The following NCOA2 variants were observed in gnomAD, a reference collection of about 807,000 sequenced individuals.
NCOA2 encodes the protein nuclear receptor coactivator 2.
A neutral mutation model predicts 145.1 loss-of-function variants in NCOA2; 21 were observed. That is an observed-to-expected ratio of 0.14 (90% CI 0.10 to 0.21). The LOEUF (loss-of-function observed/expected upper bound fraction) is 0.21. NCOA2 is among the 10% of genes least tolerant of loss of function. The probability of loss-of-function intolerance (pLI) is 1.00; values close to 1 mark genes in which losing one functional copy is unlikely to be tolerated. For missense variants in NCOA2, 1,472 were observed against 1,837.6 expected, an observed-to-expected ratio of 0.80 and a Z score of 3.64; for synonymous variants, 619 against 637.5, an observed-to-expected ratio of 0.97 and a Z score of 0.44.
chr8:70,134,424 G>T (rs1809504607), intron 15 of NCOA2, among the ~76,000 whole-genome samples: 1 of 152,212 alleles, frequency 6.6e-6, no homozygotes, highest in Non-Finnish European at 1.5e-5. Context: ...AAAAATGCTA[G>T]TTAAGTTAGG....
chr8:70,248,662 C>T (rs140733478), intron 2 of NCOA2, among the ~76,000 whole-genome samples: 4 of 152,028 alleles, frequency 2.6e-5, no homozygotes, highest in African/African-American at 4.8e-5. Flanking sequence ...CTCATATACA[C>T]GAAATCATCT....
chr8:70,153,664 T>A (rs769779588), intron 11 of NCOA2, among the ~76,000 whole-genome samples: 1 of 152,232 alleles, frequency 6.6e-6, no homozygotes, highest in Non-Finnish European at 1.5e-5. Context: ...CCACTCTGGA[T>A]TACCACTAGC....
chr8:70,192,155 G>A (rs1037634882), intron 4 of NCOA2, among the ~76,000 whole-genome samples: 6 of 152,190 alleles, frequency 3.9e-5, no homozygotes, highest in Non-Finnish European at 1.5e-5. Context: ...GTATCTGTAC[G>A]TGGAATACCA....
intron 4 of NCOA2, among the ~76,000 whole-genome samples, chr8:70,189,647 G>A (rs1172481174): frequency 1.3e-5 from 2 of 152,106 alleles, no homozygotes; most frequent in Non-Finnish European, 2.9e-5. Flanking sequence ...AGTAGTTTAT[G>A]TTTTCTTTTT....
the NCOA2 span, among the ~76,000 whole-genome samples, chr8:70,422,536 A>AAGTAGCTAGGACTACAGGT: frequency 1.3e-5 from 2 of 151,902 alleles, no homozygotes; most frequent in South Asian, 4.2e-4. Flanking sequence ...TCAGCCTCCC[A>AAGTAGCTAGGACTACAGGT]AGTAGCTAGG....
chr8:70,336,478 A>C (rs1400347949), intron 1 of NCOA2, among the ~76,000 whole-genome samples: 1 of 152,174 alleles, frequency 6.6e-6, no homozygotes, highest in Non-Finnish European at 1.5e-5. Flanking sequence ...GAAGTATCTT[A>C]ATTTATAAAG....
intron 2 of NCOA2, among the ~76,000 whole-genome samples, chr8:70,242,892 C>T (rs1822264308): frequency 1.3e-5 from 2 of 152,048 alleles, no homozygotes; most frequent in Non-Finnish European, 2.9e-5. Flanking sequence ...CTCAGCCTGA[C>T]AAGATCAGAC....
intron 2 of NCOA2, among the ~76,000 whole-genome samples, chr8:70,274,603 G>A (rs1825327922): frequency 1.3e-5 from 2 of 152,030 alleles, no homozygotes; most frequent in South Asian, 4.1e-4. Flanking sequence ...CTCAACATTA[G>A]CTCTATCCAC....
intron 2 of NCOA2, among the ~76,000 whole-genome samples, chr8:70,230,634 T>C (rs1391709264): frequency 6.6e-6 from 1 of 152,240 alleles, no homozygotes; most frequent in East Asian, 1.9e-4. Flanking sequence ...TCATCCCAAA[T>C]GAGTTTTCCT....
At chr8:70,200,591 G>A (rs1361085322) in intron 4 of NCOA2, among the ~76,000 whole-genome samples, 2 of 152,154 alleles carry the variant, frequency 1.3e-5, no homozygotes, top group Non-Finnish European at 2.9e-5. Context: ...CTAGTCAGGT[G>A]ACACAATTGA....
At chr8:70,257,447 C>T (rs559758300) in intron 2 of NCOA2, among the ~76,000 whole-genome samples, 3 of 152,112 alleles carry the variant, frequency 2.0e-5, no homozygotes, top group Non-Finnish European at 4.4e-5. Context: ...ACCTAACAAT[C>T]TAGAGACAGA....
chr8:70,306,195 T>A (rs1291830036), intron 1 of NCOA2, among the ~76,000 whole-genome samples: 1 of 152,142 alleles, frequency 6.6e-6, no homozygotes, highest in Non-Finnish European at 1.5e-5. Flanking sequence ...AACTTAGAAA[T>A]CACGTTTCAA....
chr8:70,228,004 C>CAAAAAA (rs34992637), intron 2 of NCOA2, among the ~76,000 whole-genome samples: 1 of 112,278 alleles, frequency 8.9e-6, no homozygotes, highest in African/African-American at 3.4e-5. Flanking sequence ...GACTCCATCT[C>CAAAAAA]AAAAAAAAAA....
intron 2 of NCOA2, among the ~76,000 whole-genome samples, chr8:70,286,650 G>C (rs975009337): frequency 1.3e-5 from 2 of 152,080 alleles, no homozygotes; most frequent in African/African-American, 4.8e-5. Flanking sequence ...AAAGAAAACG[G>C]CAGTTGTGAA....
intron 1 of NCOA2, among the ~76,000 whole-genome samples, chr8:70,370,208 C>T (rs961179778): frequency 5.9e-5 from 9 of 152,018 alleles, no homozygotes; most frequent in Admixed American, 3.9e-4. Context: ...TTTAAAAACA[C>T]GCAAAGAAAA....
At chr8:70,426,386 A>G in the NCOA2 span, among the ~76,000 whole-genome samples, 1 of 152,274 alleles carries the variant, frequency 6.6e-6, no homozygotes. Flanking sequence ...ATTACACTTT[A>G]TATATTTAAT....
intron 2 of NCOA2, among the ~76,000 whole-genome samples, chr8:70,224,091 A>G (rs182421059): frequency 1.3e-5 from 2 of 152,360 alleles, no homozygotes; most frequent in African/African-American, 4.8e-5. Flanking sequence ...ACTGGAGAGA[A>G]AGTCATGACA....
chr8:70,447,661 C>A, the NCOA2 span, among the ~76,000 whole-genome samples: 1 of 144,886 alleles, frequency 6.9e-6, no homozygotes, highest in Non-Finnish European at 1.5e-5. Flanking sequence ...AAATGGCCAT[C>A]ATTTCTTAGG....
chr8:70,209,736 A>T (rs1213516705), intron 4 of NCOA2, among the ~76,000 whole-genome samples: 1 of 152,222 alleles, frequency 6.6e-6, no homozygotes, highest in Non-Finnish European at 1.5e-5. Context: ...TAATTTTTTA[A>T]AGAAGTAATA....
Sources: allele counts gnomAD v4.1 joint callset (sites outside exome capture counted in the v4.1 genomes callset), GRCh38; gene constraint gnomAD v4.1.1; transcripts MANE v1.5; gene names NCBI Gene and HGNC (gene_info 2026-07-23, HGNC 2026-07-21).